CNTN4: variants seen among roughly 807,000 people sequenced by gnomAD.
CNTN4 encodes contactin 4.
A neutral mutation model predicts 122.5 loss-of-function variants in CNTN4; 77 were observed. The ratio of observed to expected loss-of-function variants is 0.63; its 90% CI spans 0.52 to 0.76. The LOEUF (loss-of-function observed/expected upper bound fraction) is 0.76, where lower values mean the gene tolerates loss of function less well. CNTN4 is among the 30% of genes least tolerant of loss of function. CNTN4 has a pLI of 0.00. For missense variants in CNTN4, 1,256 were observed against 1,259.1 expected (o/e 1.00, Z 0.04); for synonymous variants, 512 against 447.0 (o/e 1.15, Z -1.83).
At chr3:2,593,518 T>C (rs957950806) in intron 4 of CNTN4, among the ~76,000 whole-genome samples, 3 of 152,158 alleles carry the variant, frequency 2.0e-5, no homozygotes, top group Non-Finnish European at 4.4e-5. Context: ...GATCAAGTAA[T>C]AGTTATTGAT....
intron 3 of CNTN4, among the ~76,000 whole-genome samples, chr3:2,393,734 A>G (rs1575538557): frequency 6.6e-6 from 1 of 152,200 alleles, no homozygotes; most frequent in African/African-American, 2.4e-5. Flanking sequence ...AAGATAAGTT[A>G]TATACCTAAA....
At chr3:2,533,706 A>G (rs2077689195) in intron 3 of CNTN4, among the ~76,000 whole-genome samples, 1 of 152,128 alleles carries the variant, frequency 6.6e-6, no homozygotes, top group South Asian at 2.1e-4. Context: ...TTGAGGAATC[A>G]CCACAATGTC....
chr3:2,500,464 T>C (rs1454913640), intron 3 of CNTN4, among the ~76,000 whole-genome samples: 1 of 152,102 alleles, frequency 6.6e-6, no homozygotes, highest in Admixed American at 6.5e-5. Context: ...TGTTTGAAAA[T>C]AGTATTATTC....
intron 3 of CNTN4, among the ~76,000 whole-genome samples, chr3:2,428,532 A>C (rs1017955565): frequency 2.0e-5 from 3 of 152,248 alleles, no homozygotes; most frequent in Admixed American, 2.0e-4. Context: ...AACTTTGGTG[A>C]ATCTGACAAT....
chr3:2,499,965 A>C (rs1403796238), intron 3 of CNTN4, among the ~76,000 whole-genome samples: 2 of 152,068 alleles, frequency 1.3e-5, no homozygotes, highest in Non-Finnish European at 1.5e-5. Flanking sequence ...TGAATTTTGT[A>C]CTGAAGTATT....
chr3:2,881,235 G>T (rs1005879440), intron 8 of CNTN4, among the ~76,000 whole-genome samples: 1 of 152,152 alleles, frequency 6.6e-6, no homozygotes, highest in Non-Finnish European at 1.5e-5. Flanking sequence ...CACCTCGGTG[G>T]GGTGCGGTGG....
At chr3:2,277,608 G>A (rs1483748064) in intron 2 of CNTN4, among the ~76,000 whole-genome samples, 2 of 152,010 alleles carry the variant, frequency 1.3e-5, no homozygotes, top group East Asian at 1.9e-4. Context: ...ATATCCGTAC[G>A]TGAAACACAT....
intron 2 of CNTN4, among the ~76,000 whole-genome samples, chr3:2,146,827 A>G (rs1412052646): frequency 6.6e-6 from 1 of 152,056 alleles, no homozygotes; most frequent in African/African-American, 2.4e-5. Flanking sequence ...TAATTAGTAA[A>G]TATCAGTTTC....
chr3:2,905,946 G>T (rs1389034937), intron 12 of CNTN4, among the ~76,000 whole-genome samples: 1 of 152,240 alleles, frequency 6.6e-6, no homozygotes, highest in Admixed American at 6.5e-5. Flanking sequence ...TGACTCCTCA[G>T]TGGATGAATG....
intron 2 of CNTN4, among the ~76,000 whole-genome samples, chr3:2,278,208 G>A (rs756853086): frequency 9.2e-5 from 14 of 152,154 alleles, no homozygotes; most frequent in Non-Finnish European, 1.6e-4. Flanking sequence ...AAACAAAAGC[G>A]TATAATCAAT....
intron 2 of CNTN4, among the ~76,000 whole-genome samples, chr3:2,287,281 A>T (rs2041935066): frequency 1.3e-5 from 2 of 152,222 alleles, no homozygotes; most frequent in East Asian, 1.9e-4. Context: ...ACATTTTAAA[A>T]CTGAACATTT....
Position 2,709,734 on chromosome 3 carries a change from T to C in CNTN4, c.56-26481T>C, listed in dbSNP as rs149856531. 3.3e-5 allele frequency among the ~76,000 whole-genome samples: 5 copies of C among 152,064 alleles called. No homozygotes were observed. Among genetic ancestry groups the C allele is most frequent in the East Asian group, 1.9e-4 (1 of 5,170 alleles). ...TTCAAAATCAGCCTGGCCAACATGG[T>C]GAAACCCTCTCTCTACTAAAAATAC... On this transcript the variant is annotated intron_variant, in intron 4 of 24. Transcript: ENST00000418658. The surrounding 1 kb of genome is among the most constrained non-coding windows in gnomAD (Gnocchi z 5.0).
chr3:2,925,736 T>C lies in CNTN4; in HGVS notation c.1315T>C (p.Tyr439His), dbSNP rs146460781. 1.9e-6 allele frequency: 3 copies of C among 1,613,846 alleles called. No homozygotes were observed. The African/African-American group carries it at 4.0e-5, about 22-fold the overall frequency. ...GCCAAAAGCGTCTCCAAAACCTGTTTACACCTGGAAGAAAGGAAGGGATAT... is the reference window on the plus strand; with the variant it reads ...GCCAAAAGCGTCTCCAAAACCTGTTCACACCTGGAAGAAAGGAAGGGATAT... The part of the protein sequence containing the change: ...CKPKASPKPV[Y>H]TWKKGRDILK... The change falls in exon 13 of 25, where the codon TAC becomes CAC. Residue 439 changes from tyrosine to histidine, a missense_variant. Coordinates refer to ENST00000418658, the MANE Select transcript of CNTN4 (RefSeq NM_175607.3).
intron 3 of CNTN4, among the ~76,000 whole-genome samples, chr3:2,399,589 A>G (rs1318299636): frequency 1.3e-5 from 2 of 152,132 alleles, no homozygotes; most frequent in Non-Finnish European, 1.5e-5. Context: ...AATATTAACT[A>G]TCTTATTTGA....
At chr3:2,884,131 A>G (rs1161361004) in intron 9 of CNTN4, among the ~76,000 whole-genome samples, 1 of 151,584 alleles carries the variant, frequency 6.6e-6, no homozygotes, top group Non-Finnish European at 1.5e-5. Flanking sequence ...TAGAGGCAGG[A>G]TCTGCGTATG....
At chr3:2,340,709 A>AGAGAGAGAGAGAGAGGGAGG (rs1559468175) in intron 3 of CNTN4, among the ~76,000 whole-genome samples, 2 of 101,370 alleles carry the variant, frequency 2.0e-5, no homozygotes, top group African/African-American at 7.2e-5. Flanking sequence ...ATATATATAT[A>AGAGAGAGAGAGAGAGGGAGG]TAGAGAGAGA....
At chr3:2,246,102 A>G (rs554660433) in intron 2 of CNTN4, among the ~76,000 whole-genome samples, 1 of 152,096 alleles carries the variant, frequency 6.6e-6, no homozygotes, top group African/African-American at 2.4e-5. Context: ...GGTACAGATT[A>G]AAATTTTAAC....
At chr3:2,863,348 A>C (rs765945935) in intron 7 of CNTN4, among the ~76,000 whole-genome samples, 1 of 150,960 alleles carries the variant, frequency 6.6e-6, no homozygotes, top group Non-Finnish European at 1.5e-5. Context: ...CCACTTCAGG[A>C]CTCCACAGTA....
rs1245733107 is a variant in CNTN4, at chr3:2,550,427, G to A, written c.-88-20989G>A. 7.9e-5 allele frequency among the ~76,000 whole-genome samples: 12 copies of A among 152,106 alleles called. No individual in the cohort carries two copies. In the East Asian group the frequency reaches 1.5e-3, roughly 20 times the overall value. On this transcript the variant is annotated intron_variant, in intron 3 of 24. Coordinates refer to ENST00000418658, the MANE Select transcript of CNTN4 (RefSeq NM_175607.3). ...ACCATCTCACACCAGTTAGAATGGTGATCATTAAAAAGTCAGGAAACAGCA... is the reference window on the plus strand; with the variant it reads ...ACCATCTCACACCAGTTAGAATGGTAATCATTAAAAAGTCAGGAAACAGCA...
Sources: allele counts gnomAD v4.1 joint callset (sites outside exome capture counted in the v4.1 genomes callset), GRCh38; gene constraint gnomAD v4.1.1; non-coding constraint Gnocchi (gnomAD v3.1); transcripts MANE v1.5; gene names NCBI Gene and HGNC (gene_info 2026-07-23, HGNC 2026-07-21).